The following FBXO4 variants were observed in gnomAD, a reference collection of about 807,000 sequenced individuals.
The protein encoded by FBXO4 is F-box protein 4, also known as F-box only protein 4.
Under a neutral mutation model 43.7 loss-of-function variants are expected in FBXO4, and 36 were observed. The ratio of observed to expected loss-of-function variants is 0.82; its 90% CI spans 0.63 to 1.09. FBXO4 has a LOEUF of 1.09. Among genes scored for constraint, FBXO4 ranks in the 50% least tolerant of loss-of-function variants. FBXO4 has a pLI of 0.00. For missense variants in FBXO4, 435 were observed against 474.1 expected (o/e 0.92, Z 0.77); for synonymous variants, 180 against 165.6 (o/e 1.09, Z -0.67).
At chr5:41,952,382 T>C in the FBXO4 span, among the ~76,000 whole-genome samples, 10 of 152,240 alleles carry the variant, frequency 6.6e-5, no homozygotes, top group African/African-American at 2.4e-4. Flanking sequence ...TTTCAAATAA[T>C]GTGTCCATTT....
the FBXO4 span, among the ~76,000 whole-genome samples, chr5:42,013,422 A>G: frequency 2.0e-5 from 3 of 152,204 alleles, no homozygotes; most frequent in Admixed American, 1.3e-4. Context: ...AGATTAAAGT[A>G]CCACTCAAAT....
chr5:42,024,792 G>A, the FBXO4 span, among the ~76,000 whole-genome samples: 1 of 151,940 alleles, frequency 6.6e-6, no homozygotes, highest in East Asian at 1.9e-4. Flanking sequence ...ACAAATGAGT[G>A]AGAACAAATG....
the FBXO4 span, among the ~76,000 whole-genome samples, chr5:42,029,919 A>G: frequency 3.3e-5 from 5 of 152,034 alleles, no homozygotes; most frequent in African/African-American, 1.2e-4. Context: ...AATTCTCTGA[A>G]AGGAGAACTA....
At chr5:42,008,616 T>C in the FBXO4 span, among the ~76,000 whole-genome samples, 1 of 152,122 alleles carries the variant, frequency 6.6e-6, no homozygotes, top group African/African-American at 2.4e-5. Flanking sequence ...TTATATTGCC[T>C]CTTTGTGTGT....
At chr5:41,980,431 C>T in the FBXO4 span, among the ~76,000 whole-genome samples, 1 of 152,076 alleles carries the variant, frequency 6.6e-6, no homozygotes, top group Non-Finnish European at 1.5e-5. Flanking sequence ...TTCCTTACTC[C>T]GTTTTCTTTA....
the FBXO4 span, among the ~76,000 whole-genome samples, chr5:42,019,572 T>C: frequency 1.3e-5 from 2 of 151,730 alleles, no homozygotes; most frequent in Non-Finnish European, 2.9e-5. Flanking sequence ...CCTGTAGTCC[T>C]AGCTACTCAG....
the FBXO4 span, among the ~76,000 whole-genome samples, chr5:42,028,812 TA>T: frequency 4.0e-5 from 6 of 150,982 alleles, no homozygotes; most frequent in African/African-American, 9.7e-5. Context: ...AAAAGAAAAC[TA>T]AAAAAAAACC....
intron 3 of FBXO4, among the ~76,000 whole-genome samples, chr5:41,932,812 A>G (rs1392831720): frequency 6.6e-6 from 1 of 152,180 alleles, no homozygotes; most frequent in East Asian, 1.9e-4. Flanking sequence ...GAACATTTAT[A>G]TAACAGGATG....
chr5:42,006,893 T>G, the FBXO4 span, among the ~76,000 whole-genome samples: 1 of 126,890 alleles, frequency 7.9e-6, no homozygotes, highest in Admixed American at 7.7e-5. Flanking sequence ...TGCTGATATA[T>G]ATATATATAT....
At chr5:41,954,227 T>G in the FBXO4 span, among the ~76,000 whole-genome samples, 1 of 152,108 alleles carries the variant, frequency 6.6e-6, no homozygotes, top group African/African-American at 2.4e-5. Flanking sequence ...ATAAAAAAAT[T>G]TAAGGAAATA....
the FBXO4 span, among the ~76,000 whole-genome samples, chr5:41,956,353 G>A: frequency 6.6e-6 from 1 of 152,164 alleles, no homozygotes; most frequent in Non-Finnish European, 1.5e-5. Context: ...ACAGATTAGA[G>A]GTTGTAGAAA....
At chr5:41,946,381 T>C (rs1318055008), downstream of FBXO4, among the ~76,000 whole-genome samples, 2 of 152,238 alleles carry the variant, frequency 1.3e-5, no homozygotes, top group Non-Finnish European at 2.9e-5. Flanking sequence ...TAAATCACAA[T>C]TGAAAAATGC....
chr5:41,967,541 C>G, the FBXO4 span: 1 of 977,482 alleles, frequency 1.0e-6, no homozygotes, highest in Non-Finnish European at 1.6e-6. Flanking sequence ...TTCATGCACC[C>G]CATCTGTGTG....
the FBXO4 span, among the ~76,000 whole-genome samples, chr5:42,007,014 A>T: frequency 6.7e-6 from 1 of 149,090 alleles, no homozygotes; most frequent in Non-Finnish European, 1.5e-5. Flanking sequence ...TTTGGGAGGG[A>T]TACAATACTT....
At chr5:41,995,546 G>A in the FBXO4 span, among the ~76,000 whole-genome samples, 1 of 152,150 alleles carries the variant, frequency 6.6e-6, no homozygotes, top group African/African-American at 2.4e-5. Flanking sequence ...TGTCACCATG[G>A]CCACTTTGTT....
chr5:41,966,174 A>G, the FBXO4 span, among the ~76,000 whole-genome samples: 100 of 152,286 alleles, frequency 6.6e-4, no homozygotes, highest in Non-Finnish European at 1.1e-3. Flanking sequence ...GGAGGATAGC[A>G]TTTGGAGATA....
the FBXO4 span, among the ~76,000 whole-genome samples, chr5:42,007,859 C>T: frequency 6.6e-6 from 1 of 152,166 alleles, no homozygotes; most frequent in Non-Finnish European, 1.5e-5. Context: ...GTAGTAGGGG[C>T]TGCTCCCTAG....
At chr5:41,983,931 C>A in the FBXO4 span, among the ~76,000 whole-genome samples, 1 of 151,890 alleles carries the variant, frequency 6.6e-6, no homozygotes, top group African/African-American at 2.4e-5. Flanking sequence ...TGGTGTAAAT[C>A]TCATTATTTG....
At chr5:41,950,711 G>A in the FBXO4 span, among the ~76,000 whole-genome samples, 52 of 152,272 alleles carry the variant, frequency 3.4e-4, no homozygotes, top group African/African-American at 1.2e-3. Flanking sequence ...TCCCATTACT[G>A]AGTATATACT....
Sources: gnomAD v4.1 joint callset for allele counts (sites outside exome capture counted in the v4.1 genomes callset) on GRCh38, gnomAD v4.1.1 for gene constraint, MANE v1.5 for transcripts, NCBI Gene and HGNC (gene_info 2026-07-23, HGNC 2026-07-21) for gene names.